TNIP1: variants seen among roughly 807,000 people sequenced by gnomAD.
TNIP1 encodes the protein TNFAIP3-interacting protein 1.
TNIP1 carries 22 observed loss-of-function variants against 86.6 expected under a neutral mutation model. That is an observed-to-expected ratio of 0.25 (90% CI 0.18 to 0.36). The LOEUF (loss-of-function observed/expected upper bound fraction) is 0.36, where lower values mean the gene tolerates loss of function less well. Among genes scored for constraint, TNIP1 ranks in the 10% least tolerant of loss-of-function variants. The pLI, the probability that TNIP1 is intolerant of heterozygous loss-of-function variation, is 1.00. For missense variants in TNIP1, 709 were observed against 820.6 expected (o/e 0.86, Z 1.66); for synonymous variants, 294 against 313.0 (o/e 0.94, Z 0.64).
At chr5:151,083,809 A>G (rs1034969000), upstream of TNIP1, among the ~76,000 whole-genome samples, 3 of 152,136 alleles carry the variant, frequency 2.0e-5, no homozygotes, top group Non-Finnish European at 2.9e-5. Flanking sequence ...AACCAACTTA[A>G]CTCTAGAGCA....
intron 1 of TNIP1, among the ~76,000 whole-genome samples, chr5:151,067,869 T>C (rs1187448310): frequency 6.6e-6 from 1 of 152,168 alleles, no homozygotes; most frequent in Non-Finnish European, 1.5e-5. Context: ...CAGACACTTC[T>C]AGAATCCAGG....
At chr5:151,062,329 T>C (rs1464195334) in intron 3 of TNIP1, 117 bp from the exon 4 acceptor site, 1 of 862,226 alleles carries the variant, frequency 1.2e-6, no homozygotes, top group Non-Finnish European at 1.9e-6. Context: ...CACTCGAGTG[T>C]GGGAGAATGG....
Position 151,032,202 on chromosome 5 carries a change from G to A in TNIP1, c.1876+85C>T, listed in dbSNP as rs2233310. 2,699 of 1,212,284 alleles carry A rather than the reference G, an allele frequency of 2.2e-3. 53 individuals are homozygous for A. The African/African-American group carries it at 0.037, about 17-fold the overall frequency. The allele number at this position is 1,212,284 out of a possible 1,614,324, so 75.1% of individuals were successfully genotyped here. A position where few individuals can be genotyped will look rare whatever the true frequency, so the allele number is the denominator to read the frequency against. On this transcript the variant is annotated intron_variant, in intron 17 of 17. Transcript: ENST00000521591. ...TCCTCCACCAAGAGCAGAAACTAAC[G>A]ACATCACCCCCAAACTCAGGCAATG...
chr5:151,071,107 A>C (rs1211975437), intron 1 of TNIP1, among the ~76,000 whole-genome samples: 2 of 152,158 alleles, frequency 1.3e-5, no homozygotes, highest in Non-Finnish European at 2.9e-5. Context: ...GCTCTATAAA[A>C]AATAAGGTCT....
chr5:151,071,752 C>G (rs1451382773), intron 1 of TNIP1, among the ~76,000 whole-genome samples: 3 of 151,310 alleles, frequency 2.0e-5, no homozygotes, highest in Non-Finnish European at 2.9e-5. Flanking sequence ...CTCAACATGG[C>G]ACACATCTTC....
At position 151,063,629 on chromosome 5, in the gene TNIP1, G is replaced by C. The variant is rs1761865459; in HGVS notation, c.255C>G (p.Pro85=). The change falls in exon 3 of 18, where the codon CCC becomes CCG. Residue 85 remains proline (P), a synonymous_variant. Transcript: ENST00000521591. ...CTCTTATACCTGTGAGCTCAGCCAGGGGGTCGAAGGAGCCCAAGGAGGGAG... is the reference window on the plus strand; with the variant it reads ...CTCTTATACCTGTGAGCTCAGCCAGCGGGTCGAAGGAGCCCAAGGAGGGAG... The part of the protein sequence containing the change: ...PPSPSLGSFD[P]LAELTGKDSN... 1.2e-6 allele frequency: 2 copies of C among 1,614,060 alleles called. No homozygotes were observed. Among genetic ancestry groups the C allele is most frequent in the Non-Finnish European group, 1.7e-6 (2 of 1,179,976 alleles).
rs745747273 is a variant in TNIP1, at chr5:151,065,126, G to A, written c.-31C>T. On this transcript the variant is annotated 5_prime_UTR_variant, in exon 2 of 18. Coordinates refer to ENST00000521591, the MANE Select transcript of TNIP1 (RefSeq NM_006058.5). ...TAGCTCAGCCCCTGCCGTGGTGCCC[G>A]CCTGGCTGTAAGGACAACAGCAGCA... 22 of 1,604,382 alleles carry A rather than the reference G, an allele frequency of 1.4e-5. No individual in the cohort carries two copies. The highest frequency in any genetic ancestry group is 1.3e-4 in the South Asian group (12 of 90,836).
intron 1 of TNIP1, among the ~76,000 whole-genome samples, chr5:151,067,595 C>A (rs564827610): frequency 6.6e-6 from 1 of 152,206 alleles, no homozygotes; most frequent in East Asian, 1.9e-4. Flanking sequence ...ACAGTCAACA[C>A]CACATGAAGG....
intron 2 of TNIP1, among the ~76,000 whole-genome samples, chr5:151,064,596 C>A (rs1048561932): frequency 0.3 from 58 of 192 alleles, no homozygotes; most frequent in Non-Finnish European, 0.056. Flanking sequence ...GAACGCGTGC[C>A]CCAGTTGCCT....
intron 17 of TNIP1, among the ~76,000 whole-genome samples, chr5:151,031,141 G>A (rs1466139516): frequency 2.6e-5 from 4 of 152,064 alleles, no homozygotes; most frequent in African/African-American, 4.8e-5. Flanking sequence ...AACTTGTAGG[G>A]TTCTTCAGGG....
At chr5:151,032,636 T>C in intron 16 of TNIP1, 3 of 522,234 alleles carry the variant, frequency 5.7e-6, no homozygotes, top group Non-Finnish European at 1.0e-5. Flanking sequence ...AGCCAATCTC[T>C]TAAGCGCCAT....
At chr5:151,084,981 T>A (rs1764224555), upstream of TNIP1, among the ~76,000 whole-genome samples, 1 of 152,320 alleles carries the variant, frequency 6.6e-6, no homozygotes, top group African/African-American at 2.4e-5. Context: ...GGGTCCATGG[T>A]CCCAGCTTCT....
intron 1 of TNIP1, among the ~76,000 whole-genome samples, chr5:151,074,197 T>C (rs1763128412): frequency 6.6e-6 from 1 of 152,180 alleles, no homozygotes. Context: ...TTTTCCCCAA[T>C]AATCATGTGC....
chr5:151,058,603 T>C lies in TNIP1; in HGVS notation c.436-1646A>G, dbSNP rs1169290124. Among the ~76,000 whole-genome samples, 5 of 152,144 alleles carry C rather than the reference T, an allele frequency of 3.3e-5. No individual in the cohort carries two copies. In the East Asian group the frequency reaches 9.6e-4, roughly 29 times the overall value. The stretch of plus-strand genomic sequence containing the variant: ...ACCCACACACACCAGGTCTGGTGTC[T>C]CTGCATGTGTCCTCTCTGTGTCCTC... On this transcript the variant is annotated intron_variant, in intron 5 of 17. Transcript: ENST00000521591.
At chr5:151,061,226 A>G (rs1266077232) in intron 4 of TNIP1, among the ~76,000 whole-genome samples, 7 of 152,080 alleles carry the variant, frequency 4.6e-5, no homozygotes, top group Admixed American at 2.0e-4. Context: ...GCCTCCCTTC[A>G]TCCCAGAAAG....
chr5:151,077,456 C>T (rs1055648186), intron 1 of TNIP1, among the ~76,000 whole-genome samples: 3 of 152,210 alleles, frequency 2.0e-5, no homozygotes, highest in Non-Finnish European at 4.4e-5. Context: ...CTGTACCAAG[C>T]GCTTACCACA....
chr5:151,078,763 G>C (rs1763670189), intron 1 of TNIP1, among the ~76,000 whole-genome samples: 2 of 152,230 alleles, frequency 1.3e-5, no homozygotes, highest in South Asian at 4.1e-4. Flanking sequence ...ATGAGAACAA[G>C]CTTGGCTTGC....
chr5:151,061,436 C>G lies in TNIP1; in HGVS notation c.357+691G>C, dbSNP rs532349826. 9.9e-5 allele frequency among the ~76,000 whole-genome samples: 15 copies of G among 152,264 alleles called. No individual in the cohort carries two copies. In the South Asian group the frequency reaches 2.9e-3, roughly 29 times the overall value. On this transcript the variant is annotated intron_variant, in intron 4 of 17. Transcript: ENST00000521591. ...GGATAAGGATGCTGAACTATGCAAT[C>G]CCTTGTAGGATACCAAGCAAAACTT...
upstream of TNIP1, among the ~76,000 whole-genome samples, chr5:151,084,979 G>C (rs1764224353): frequency 6.6e-6 from 1 of 152,186 alleles, no homozygotes; most frequent in South Asian, 2.1e-4. Flanking sequence ...CAGGGTCCAT[G>C]GTCCCAGCTT....
Sources: allele counts gnomAD v4.1 joint callset (sites outside exome capture counted in the v4.1 genomes callset), GRCh38; gene constraint gnomAD v4.1.1; transcripts MANE v1.5; gene names NCBI Gene and HGNC (gene_info 2026-07-23, HGNC 2026-07-21).